The following GALNT13 variants were observed in gnomAD, a reference collection of about 807,000 sequenced individuals.
The protein encoded by GALNT13 is UDP-GalNAc:polypeptide N-acetylgalactosaminyltransferase 13.
A neutral mutation model predicts 64.2 loss-of-function variants in GALNT13; 28 were observed. The ratio of observed to expected loss-of-function variants is 0.44; its 90% CI spans 0.32 to 0.60. GALNT13 has a LOEUF of 0.60. GALNT13 is among the 20% of genes least tolerant of loss of function. The pLI, the probability that GALNT13 is intolerant of heterozygous loss-of-function variation, is 0.05. For synonymous variants in GALNT13, 214 were observed against 224.6 expected (o/e 0.95, Z 0.42); for missense variants, 577 against 669.8 (o/e 0.86, Z 1.53).
chr2:154,307,520 T>C (rs1305130773), intron 9 of GALNT13, among the ~76,000 whole-genome samples: 3 of 152,194 alleles, frequency 2.0e-5, no homozygotes, highest in Non-Finnish European at 1.5e-5. Flanking sequence ...TTTGGTAATA[T>C]TGACAAAGTT....
the GALNT13 span, among the ~76,000 whole-genome samples, chr2:153,767,888 G>A: frequency 6.6e-6 from 1 of 151,408 alleles, no homozygotes; most frequent in African/African-American, 2.4e-5. Context: ...TATTTTCTCT[G>A]ATTATTTAAG....
chr2:154,209,004 G>T (rs554338677), intron 4 of GALNT13, among the ~76,000 whole-genome samples: 1 of 151,998 alleles, frequency 6.6e-6, no homozygotes, highest in African/African-American at 2.4e-5. Context: ...TTTCTGTATG[G>T]CTTTATAAAC....
At chr2:153,527,121 T>C in the GALNT13 span, among the ~76,000 whole-genome samples, 1 of 151,934 alleles carries the variant, frequency 6.6e-6, no homozygotes, top group African/African-American at 2.4e-5. Flanking sequence ...GAGTAGAAAG[T>C]TTATTCAAAG....
intron 11 of GALNT13, among the ~76,000 whole-genome samples, chr2:154,418,179 TATC>T (rs1700104515): frequency 6.6e-6 from 1 of 152,198 alleles, no homozygotes. Flanking sequence ...AAGAGCCTGT[TATC>T]ATAAAAATAG....
chr2:153,774,912 C>T, the GALNT13 span, among the ~76,000 whole-genome samples: 1 of 152,086 alleles, frequency 6.6e-6, no homozygotes, highest in Non-Finnish European at 1.5e-5. Context: ...CCTGTCTCTA[C>T]AAATTAAAAT....
At chr2:153,866,528 A>G in the GALNT13 span, among the ~76,000 whole-genome samples, 1 of 152,198 alleles carries the variant, frequency 6.6e-6, no homozygotes, top group Non-Finnish European at 1.5e-5. Context: ...GGTGCAAATG[A>G]CAGATGATAT....
chr2:154,182,104 A>G (rs200113438), intron 4 of GALNT13, among the ~76,000 whole-genome samples: 1 of 152,132 alleles, frequency 6.6e-6, no homozygotes, highest in Admixed American at 6.6e-5. Context: ...AACCCACTCA[A>G]CTTGTACTAT....
the GALNT13 span, among the ~76,000 whole-genome samples, chr2:153,437,249 T>A: frequency 2.0e-3 from 297 of 151,870 alleles, 2 homozygotes; most frequent in Non-Finnish European, 2.4e-3. Context: ...CTTCCAACTA[T>A]GTGGTCAATT....
At chr2:154,087,421 A>G (rs1346015267) in intron 3 of GALNT13, among the ~76,000 whole-genome samples, 6 of 152,056 alleles carry the variant, frequency 3.9e-5, no homozygotes, top group Admixed American at 3.9e-4. Flanking sequence ...TTTAACTTTG[A>G]CAATTATAAA....
chr2:153,149,661 C>T, the GALNT13 span, among the ~76,000 whole-genome samples: 1 of 151,788 alleles, frequency 6.6e-6, no homozygotes, highest in Admixed American at 6.6e-5. Context: ...TAAACCTTTA[C>T]TCTTTTAAGT....
At chr2:153,886,940 G>A (rs1256940541) in intron 1 of GALNT13, among the ~76,000 whole-genome samples, 2 of 151,954 alleles carry the variant, frequency 1.3e-5, no homozygotes, top group African/African-American at 4.8e-5. Context: ...TAATTTTGTG[G>A]TGCCTGGAAT....
chr2:153,859,433 A>G, the GALNT13 span, among the ~76,000 whole-genome samples: 4 of 152,208 alleles, frequency 2.6e-5, no homozygotes, highest in East Asian at 5.8e-4. Flanking sequence ...TCATAAACCA[A>G]TGAATCTCAA....
the GALNT13 span, among the ~76,000 whole-genome samples, chr2:153,172,522 G>A: frequency 2.0e-5 from 3 of 152,144 alleles, no homozygotes; most frequent in Non-Finnish European, 4.4e-5. Flanking sequence ...GTCCAGGCCA[G>A]TAGACAATAC....
At chr2:153,795,903 A>C in the GALNT13 span, among the ~76,000 whole-genome samples, 15 of 152,304 alleles carry the variant, frequency 9.8e-5, no homozygotes, top group East Asian at 2.9e-3. Flanking sequence ...TATACCCATA[A>C]TATGGTATGT....
intron 11 of GALNT13, among the ~76,000 whole-genome samples, chr2:154,433,892 T>A (rs771214581): frequency 1.3e-5 from 2 of 152,232 alleles, no homozygotes; most frequent in Non-Finnish European, 2.9e-5. Context: ...GTTGAAGTCT[T>A]AACCCCCAGT....
intron 4 of GALNT13, among the ~76,000 whole-genome samples, chr2:154,211,000 A>T (rs1024582297): frequency 1.3e-5 from 2 of 152,138 alleles, no homozygotes; most frequent in African/African-American, 4.8e-5. Flanking sequence ...TTGGTAGTTC[A>T]ATTTTGGATA....
chr2:153,795,095 G>C, the GALNT13 span, among the ~76,000 whole-genome samples: 2 of 152,092 alleles, frequency 1.3e-5, no homozygotes, highest in Admixed American at 1.3e-4. Flanking sequence ...GGTTGTGAGT[G>C]CCCCAGATTT....
intron 8 of GALNT13, chr2:154,287,105 G>A (rs1430990208): frequency 1.0e-5 from 11 of 1,088,348 alleles, no homozygotes; most frequent in South Asian, 8.7e-5. Context: ...GCCACCTTTG[G>A]ATGGCATGTC....
At chr2:153,251,584 C>T in the GALNT13 span, among the ~76,000 whole-genome samples, 4 of 149,632 alleles carry the variant, frequency 2.7e-5, no homozygotes, top group Admixed American at 1.3e-4. Context: ...CTCGTCATCT[C>T]GCATTAGGTA....
Sources: allele counts gnomAD v4.1 joint callset (sites outside exome capture counted in the v4.1 genomes callset), GRCh38; gene constraint gnomAD v4.1.1; transcripts MANE v1.5; gene names NCBI Gene and HGNC (gene_info 2026-07-23, HGNC 2026-07-21).